Variants in RPL4 observed in about 807,000 individuals in gnomAD.
RPL4 encodes ribosomal protein L4.
A neutral mutation model predicts 47.7 loss-of-function variants in RPL4; 3 were observed. The observed-to-expected ratio is 0.06, with a 90% confidence interval of 0.03 to 0.16. The LOEUF is 0.16. Ranked by LOEUF, RPL4 falls within the 10% of genes least tolerant of loss-of-function variation. RPL4 has a pLI of 1.00. For synonymous variants in RPL4, 208 were observed against 182.1 expected (o/e 1.14, Z -1.15); for missense variants, 413 against 551.3 (o/e 0.75, Z 2.51).
chr15:66,502,879 C>G (rs1268409717), intron 3 of RPL4, 129 bp from the exon 4 acceptor site: 2 of 1,448,574 alleles, frequency 1.4e-6, no homozygotes, highest in Non-Finnish European at 1.9e-6. Context: ...TCGCTGAGAA[C>G]AGAGTAAGAC....
rs374217219 is a variant in RPL4 at position 66,499,615 on chromosome 15, G to A, written c.1076C>T (p.Ala359Val). The change falls in exon 10 of 10, where the codon GCG becomes GTG. Residue 359 changes from alanine to valine, a missense_variant. Physicochemically the swap from Ala to Val is moderately conservative, Grantham distance 64. Coordinates refer to ENST00000307961, the MANE Select transcript of RPL4 (RefSeq NM_000968.4). ...CTCATCTGATTTGGCTTGTAGTGCC[G>A]CTGCTGCAGCAGCTGCCTTATCCAC... is the stretch of plus-strand genomic sequence containing the variant. ...LRVDKAAAAA[A>V]ALQAKSDEKA... is the part of the protein sequence containing the mutation. The A allele has an allele frequency of 2.2e-5, 35 of 1,613,846 alleles. No homozygotes were observed. The African/African-American group carries it at 2.7e-4, about 12-fold the overall frequency.
rs943089724 is a variant in RPL4, at chr15:66,498,105, T to C, written c.*1302A>G. 7.9e-6 allele frequency: 2 copies of C among 251,622 alleles called. No homozygotes were observed. The highest frequency in any genetic ancestry group is 4.4e-5 in the African/African-American group (2 of 45,048). The allele number at this position is 251,622 out of a possible 1,614,324, so 15.6% of individuals were successfully genotyped here. A position where few individuals can be genotyped will look rare whatever the true frequency, so the allele number is the denominator to read the frequency against. On this transcript the variant is annotated 3_prime_UTR_variant, in exon 10 of 10. Coordinates refer to ENST00000307961, the MANE Select transcript of RPL4 (RefSeq NM_000968.4). Reference sequence around the variant, plus strand: ...ATGACCGGGTGAACAGCACTTCCAATGTGGTGTGCCACCAAGTGGCTATCT... The same window carrying C: ...ATGACCGGGTGAACAGCACTTCCAACGTGGTGTGCCACCAAGTGGCTATCT...
chr15:66,503,677 G>T, intron 1 of RPL4, 148 bp from the exon 2 acceptor site: 1 of 694,140 alleles, frequency 1.4e-6, no homozygotes, highest in Non-Finnish European at 2.4e-6. Flanking sequence ...AGCAGTAAAT[G>T]ACTAGAACCC....
intron 1 of RPL4, among the ~76,000 whole-genome samples, chr15:66,504,371 C>T (rs1230340174): frequency 6.6e-6 from 1 of 152,196 alleles, no homozygotes; most frequent in Non-Finnish European, 1.5e-5. Flanking sequence ...ACACATATAA[C>T]ACTGGTCTTA....
rs766088917 is a variant in RPL4 at position 66,504,831 on chromosome 15, G to T, written c.-41C>A. 1.2e-6 allele frequency: 2 copies of T among 1,607,828 alleles called. No homozygotes were observed. The highest frequency in any genetic ancestry group is 3.4e-5 in the Admixed American group (2 of 59,522). On this transcript the variant is annotated 5_prime_UTR_variant, in exon 1 of 10. Coordinates refer to ENST00000307961, the MANE Select transcript of RPL4 (RefSeq NM_000968.4). ...CAGCCACGCTCCTCTCAGCCCGGCTGCTGCCACAGGAAAAGGAAGTGCTTA... is the reference window on the plus strand; with the variant it reads ...CAGCCACGCTCCTCTCAGCCCGGCTTCTGCCACAGGAAAAGGAAGTGCTTA...
chr15:66,499,818 G>GTT, intron 9 of RPL4, 166 bp from the exon 10 acceptor site: 8 of 992,874 alleles, frequency 8.1e-6, no homozygotes, highest in Non-Finnish European at 1.2e-5. Context: ...GAGGTCAGGA[G>GTT]TTTGAGACCA....
At chr15:66,504,549 A>G (rs1303138864) in intron 1 of RPL4, among the ~76,000 whole-genome samples, 3 of 149,126 alleles carry the variant, frequency 2.0e-5, no homozygotes, top group African/African-American at 7.3e-5. Flanking sequence ...TGCTCCTGAG[A>G]ACGACCCAGT....
intron 8 of RPL4, 46 bp downstream of exon 8, chr15:66,500,247 A>T (rs766159817): frequency 7.4e-6 from 12 of 1,613,276 alleles, no homozygotes; most frequent in African/African-American, 2.7e-5. Flanking sequence ...GAAACAACCA[A>T]TAGTATAGGG....
intron 1 of RPL4, among the ~76,000 whole-genome samples, chr15:66,503,793 ATT>A (rs1157062355): frequency 1.3e-5 from 2 of 152,202 alleles, no homozygotes; most frequent in African/African-American, 4.8e-5. Flanking sequence ...TCAAAACCAT[ATT>A]GTAAGGTTTG....
chr15:66,501,623 C>T (rs1334329949), intron 5 of RPL4, 119 bp from the exon 6 acceptor site: 2 of 1,519,538 alleles, frequency 1.3e-6, no homozygotes, highest in African/African-American at 2.8e-5. Flanking sequence ...CAAGGTTACA[C>T]AGAGCCATAA....
intron 6 of RPL4, 84 bp downstream of exon 6, chr15:66,501,291 G>A (rs751316068): frequency 1.9e-6 from 3 of 1,593,118 alleles, no homozygotes; most frequent in South Asian, 2.2e-5. Context: ...CAGAAACACG[G>A]ACCTTAAGTG....
chr15:66,500,919 A>T, intron 7 of RPL4, 30 bp downstream of exon 7: 2 of 1,602,644 alleles, frequency 1.2e-6, no homozygotes, highest in South Asian at 2.3e-5. Context: ...CAATATAAAC[A>T]TCTGTGCTTA....
At chr15:66,500,773 C>T (rs1893594558) in intron 7 of RPL4, 176 bp downstream of exon 7, 1 of 714,978 alleles carries the variant, frequency 1.4e-6, no homozygotes, top group Non-Finnish European at 2.3e-6. Flanking sequence ...GACAGAACAA[C>T]TCTGTCTCAA....
rs187733278 is a variant in RPL4, at chr15:66,503,268, T to C, written c.175+90A>G. On this transcript the variant is annotated intron_variant, in intron 2 of 9. Coordinates refer to ENST00000307961, the MANE Select transcript of RPL4 (RefSeq NM_000968.4). ...AGCATCAGAACATCCGAGAAAATCA[T>C]GTGGTTCAGAAACACGGACCAATGA... 6.5e-5 allele frequency: 104 copies of C among 1,590,630 alleles called. No individual in the cohort carries two copies. In the East Asian group the frequency reaches 1.6e-3, roughly 24 times the overall value.
chr15:66,500,416 C>A, intron 7 of RPL4, 40 bp from the exon 8 acceptor site: 1 of 1,566,318 alleles, frequency 6.4e-7, no homozygotes, highest in South Asian at 1.1e-5. Context: ...TAAAAGTAAT[C>A]AACCAAAGAA....
At chr15:66,502,178 T>C (rs1163109269) in intron 4 of RPL4, 9 of 569,504 alleles carry the variant, frequency 1.6e-5, no homozygotes, top group Non-Finnish European at 2.0e-5. Flanking sequence ...ACTTGAATAG[T>C]TCCCCAGTTA....
In RPL4 at chr15:66,501,039, C is replaced by T. The variant is rs746463515; in HGVS notation, c.743G>A (p.Arg248His). The T allele has an allele frequency of 5.0e-6, 8 of 1,613,968 alleles. No homozygotes were observed. Among genetic ancestry groups the T allele is most frequent in the East Asian group, 2.2e-5 (1 of 44,890 alleles). Reference sequence around the variant, plus strand: ...AGCACTTTCAGTCCAAATGCAGAAACGTCCCACATGCCCACCAGGAGCAAG... The same window carrying T: ...AGCACTTTCAGTCCAAATGCAGAAATGTCCCACATGCCCACCAGGAGCAAG... ...LKLAPGGHVG[R>H]FCIWTESAFR... The change falls in exon 7 of 10, where the codon CGT becomes CAT. Residue 248 changes from arginine to histidine, a missense_variant. Transcript: ENST00000307961.
At chr15:66,504,474 A>G (rs1179718325) in intron 1 of RPL4, among the ~76,000 whole-genome samples, 1 of 152,224 alleles carries the variant, frequency 6.6e-6, no homozygotes, top group Non-Finnish European at 1.5e-5. Context: ...ATGATTCCCA[A>G]GCTAGGCAGA....
rs1318294078 is a variant in RPL4 at position 66,500,998 on chromosome 15, C to G, written c.784G>C (p.Glu262Gln). The part of the protein sequence containing the change: ...WTESAFRKLD[E>Q]LYGTWRKAAS... ...GCTTTACGCCAAGTGCCGTACAATT[C>G]ATCTAACTTCCGGAAAGCACTTTCA... Residue 262 changes from glutamate (E) to glutamine (Q), a missense_variant, in exon 7 of 10, where the codon GAA becomes CAA. This residue lies in a region of RPL4 where 214 missense variants were observed against 304.2 expected (regional missense o/e 0.70). Coordinates refer to ENST00000307961, the MANE Select transcript of RPL4 (RefSeq NM_000968.4). 6.2e-7 allele frequency: 1 copy of G among 1,614,028 alleles called. No individual in the cohort carries two copies. The highest frequency in any genetic ancestry group is 1.1e-5 in the South Asian group (1 of 91,076).
Sources: allele counts gnomAD v4.1 joint callset (sites outside exome capture counted in the v4.1 genomes callset), GRCh38; gene constraint gnomAD v4.1.1; regional missense constraint gnomAD v4.1.1; transcripts MANE v1.5; gene names NCBI Gene and HGNC (gene_info 2026-07-23, HGNC 2026-07-21).